Variants in ADAMTS2 observed in about 807,000 individuals in gnomAD.
ADAMTS2 encodes the protein A disintegrin and metalloproteinase with thrombospondin motifs 2.
In ADAMTS2, 50 loss-of-function variants were observed where a neutral mutation model predicts 123.0. That is an observed-to-expected ratio of 0.41 (90% CI 0.32 to 0.51). The LOEUF (loss-of-function observed/expected upper bound fraction) is 0.51, where lower values mean the gene tolerates loss of function less well. Among genes scored for constraint, ADAMTS2 ranks in the 20% least tolerant of loss-of-function variants. The probability of loss-of-function intolerance (pLI) is 0.35; values close to 1 mark genes in which losing one functional copy is unlikely to be tolerated. For missense variants in ADAMTS2, 1,494 were observed against 1,705.2 expected, an observed-to-expected ratio of 0.88 and a Z score of 2.18; for synonymous variants, 678 against 695.4, an observed-to-expected ratio of 0.98 and a Z score of 0.39.
intron 7 of ADAMTS2, 66 bp from the exon 8 acceptor site, chr5:179,154,258 C>T (rs1011808657): frequency 1.2e-5 from 19 of 1,532,870 alleles, no homozygotes; most frequent in Admixed American, 9.8e-5. Context: ...CACCCCACCC[C>T]GATGATAGGA....
At chr5:179,230,355 G>A (rs980526484) in intron 3 of ADAMTS2, among the ~76,000 whole-genome samples, 1 of 152,226 alleles carries the variant, frequency 6.6e-6, no homozygotes, top group African/African-American at 2.4e-5. Flanking sequence ...GGCACTCACA[G>A]GGCATTGATG....
chr5:179,207,862 G>C (rs1283775043), intron 3 of ADAMTS2, 147 bp from the exon 4 acceptor site: 4 of 765,990 alleles, frequency 5.2e-6, no homozygotes, highest in Non-Finnish European at 8.8e-6. Context: ...AAAGCGAGGT[G>C]CAGAGGAAGA....
In ADAMTS2 at chr5:179,303,625, A is replaced by G. The variant is rs1756590271; in HGVS notation, c.535-30561T>C. On this transcript the variant is annotated intron_variant, in intron 2 of 21. Transcript: ENST00000251582. The surrounding 1 kb of genome is among the most constrained non-coding windows in gnomAD (Gnocchi z 4.7). ...TTTCCGAATGCTCAGAGCCAAGCCA[A>G]CACCTCATTTTTCTTTCCTATTTCC... Among the ~76,000 whole-genome samples, 1 of 152,206 alleles carries G rather than the reference A, an allele frequency of 6.6e-6. No homozygotes were observed. The highest frequency in any genetic ancestry group is 6.5e-5 in the Admixed American group (1 of 15,274).
chr5:179,208,572 G>A (rs1764775517), intron 3 of ADAMTS2, among the ~76,000 whole-genome samples: 1 of 152,116 alleles, frequency 6.6e-6, no homozygotes, highest in Non-Finnish European at 1.5e-5. Flanking sequence ...TGCCTTCTGT[G>A]CAGTGCTGTC....
chr5:179,131,306 C>CA (rs553125844), intron 15 of ADAMTS2, among the ~76,000 whole-genome samples: 1,188 of 22,142 alleles, frequency 0.054, 38 homozygotes, highest in Non-Finnish European at 0.086. Context: ...GAGCGAGACT[C>CA]AAAAAAAAAA....
chr5:179,165,611 C>T (rs1338095016), intron 5 of ADAMTS2, among the ~76,000 whole-genome samples: 1 of 152,312 alleles, frequency 6.6e-6, no homozygotes, highest in African/African-American at 2.4e-5. Flanking sequence ...CAGCCAGTCC[C>T]TCCCAGGGGC....
At chr5:179,327,734 C>G (rs759415356) in intron 2 of ADAMTS2, among the ~76,000 whole-genome samples, 38 of 152,210 alleles carry the variant, frequency 2.5e-4, no homozygotes, top group Admixed American at 3.9e-4. Flanking sequence ...GAAGAAGCAG[C>G]ACCTGGTTCT....
At chr5:179,198,944 G>A (rs1764494666) in intron 4 of ADAMTS2, among the ~76,000 whole-genome samples, 2 of 152,200 alleles carry the variant, frequency 1.3e-5, no homozygotes, top group Admixed American at 1.3e-4. Context: ...TAGCACGGCT[G>A]GCTTCGCCTG....
chr5:179,122,719 C>T lies in ADAMTS2; in HGVS notation c.3013G>A (p.Ala1005Thr), dbSNP rs757793067. 2.3e-5 allele frequency: 36 copies of T among 1,552,350 alleles called. No homozygotes were observed. In the Admixed American group the frequency reaches 2.3e-4, roughly 10 times the overall value. Reference sequence around the variant, plus strand: ...TGGCAGATGCCGAAGCTGTCGTCCGCGGTGCGGCAGAGCACTGGCCGCTCC... The same window carrying T: ...TGGCAGATGCCGAAGCTGTCGTCCGTGGTGCGGCAGAGCACTGGCCGCTCC... ...TQERPVLCRT[A>T]DDSFGICQEE... Residue 1005 changes from alanine to threonine, a missense_variant, in exon 20 of 22, where the codon GCG becomes ACG. Coordinates refer to ENST00000251582, the MANE Select transcript of ADAMTS2 (RefSeq NM_014244.5).
At chr5:179,302,131 G>A (rs1756538005) in intron 2 of ADAMTS2, among the ~76,000 whole-genome samples, 1 of 152,112 alleles carries the variant, frequency 6.6e-6, no homozygotes, top group Non-Finnish European at 1.5e-5. Context: ...CAGAAGCCGG[G>A]ACTTCTGCCT....
chr5:179,279,603 C>G (rs1450426380), intron 2 of ADAMTS2, among the ~76,000 whole-genome samples: 1 of 152,232 alleles, frequency 6.6e-6, no homozygotes, highest in East Asian at 1.9e-4. Context: ...CTCGGGCACT[C>G]TCTTGCCTCT....
chr5:179,302,357 G>A (rs1756550662), intron 2 of ADAMTS2, among the ~76,000 whole-genome samples: 1 of 141,262 alleles, frequency 7.1e-6, no homozygotes, highest in Non-Finnish European at 1.5e-5. Context: ...CAGCTGCTCT[G>A]GGCGACAGAG....
rs1026180290 is a variant in ADAMTS2, at chr5:179,241,054, CTA to C, written c.688+31855_688+31856del. 4.6e-5 allele frequency among the ~76,000 whole-genome samples: 7 copies of C among 152,254 alleles called. 1 individual carries two copies. The highest frequency in any genetic ancestry group is 1.4e-4 in the African/African-American group (6 of 41,546). ...GGAGTGAGCTTGAGTGTTGGTTTCC[CTA>C]ATAGATGGGTTTAGCTGCATGGGTG... On this transcript the variant is annotated intron_variant, in intron 3 of 21. Coordinates refer to ENST00000251582, the MANE Select transcript of ADAMTS2 (RefSeq NM_014244.5).
chr5:179,223,829 G>C (rs1490420428), intron 3 of ADAMTS2, among the ~76,000 whole-genome samples: 1 of 151,136 alleles, frequency 6.6e-6, no homozygotes, highest in Non-Finnish European at 1.5e-5. Flanking sequence ...GCACACTCAG[G>C]CACACACATG....
At chr5:179,321,991 G>A (rs914341248) in intron 2 of ADAMTS2, among the ~76,000 whole-genome samples, 4 of 152,184 alleles carry the variant, frequency 2.6e-5, no homozygotes, top group Non-Finnish European at 5.9e-5. Flanking sequence ...ATTATATGTG[G>A]CATGGGCAGA....
intron 2 of ADAMTS2, among the ~76,000 whole-genome samples, chr5:179,330,735 C>T (rs1306399427): frequency 1.3e-5 from 2 of 152,218 alleles, no homozygotes; most frequent in East Asian, 1.9e-4. Context: ...CCCTGCTCAT[C>T]GGGCCACCCT....
chr5:179,340,903 T>C (rs1024776496), intron 2 of ADAMTS2, among the ~76,000 whole-genome samples: 4 of 152,232 alleles, frequency 2.6e-5, no homozygotes, highest in African/African-American at 9.6e-5. Context: ...ACTGGAAAAC[T>C]CTTCCGCAGC....
rs1299004855 is a variant in ADAMTS2, at chr5:179,272,863, G to A, written c.688+48C>T. 4 of 1,590,318 alleles carry A rather than the reference G, an allele frequency of 2.5e-6. No homozygotes were observed. The highest frequency in any genetic ancestry group is 2.7e-5 in the African/African-American group (2 of 74,468). ...TCTGGGATGCTCCCCTGGGGACCAG[G>A]GCCTCAGAGGGCTCTCCACACAGCC... On this transcript the variant is annotated intron_variant, in intron 3 of 21. Coordinates refer to ENST00000251582, the MANE Select transcript of ADAMTS2 (RefSeq NM_014244.5). The surrounding 1 kb of genome is among the most constrained non-coding windows in gnomAD (Gnocchi z 5.8).
rs890882684 is a variant in ADAMTS2 at position 179,234,517 on chromosome 5, C to T, written c.689-26802G>A. On this transcript the variant is annotated intron_variant, in intron 3 of 21. Coordinates refer to ENST00000251582, the MANE Select transcript of ADAMTS2 (RefSeq NM_014244.5). This position sits in a 1 kb window ranked among gnomAD's most constrained non-coding sequence, Gnocchi z 4.7. Reference sequence around the variant, plus strand: ...CATGGACCTGCTGACAGGTGCCCCCCGACCCACCTCCAGCCTGCACCTCCC... The same window carrying T: ...CATGGACCTGCTGACAGGTGCCCCCTGACCCACCTCCAGCCTGCACCTCCC... 1.1e-4 allele frequency among the ~76,000 whole-genome samples: 16 copies of T among 151,076 alleles called. No individual in the cohort carries two copies. The highest frequency in any genetic ancestry group is 5.9e-4 in the Admixed American group (9 of 15,246).
Sources: allele counts gnomAD v4.1 joint callset (sites outside exome capture counted in the v4.1 genomes callset), GRCh38; gene constraint gnomAD v4.1.1; non-coding constraint Gnocchi (gnomAD v3.1); transcripts MANE v1.5; gene names NCBI Gene and HGNC (gene_info 2026-07-23, HGNC 2026-07-21).